Variants in NRG1 observed in about 807,000 individuals in gnomAD.
The protein encoded by NRG1 is neuregulin 1, also known as pro-neuregulin-1, membrane-bound isoform.
NRG1 carries 18 observed loss-of-function variants against 63.8 expected under a neutral mutation model. That is an observed-to-expected ratio of 0.28 (90% CI 0.19 to 0.42). The LOEUF is 0.42. Among genes scored for constraint, NRG1 ranks in the 10% least tolerant of loss-of-function variants. The probability of loss-of-function intolerance (pLI) is 1.00; values close to 1 mark genes in which losing one functional copy is unlikely to be tolerated. For synonymous variants in NRG1, 302 were observed against 301.3 expected, an observed-to-expected ratio of 1.00 and a Z score of -0.02; for missense variants, 762 against 814.7, an observed-to-expected ratio of 0.94 and a Z score of 0.79.
intron 5 of NRG1, among the ~76,000 whole-genome samples, chr8:32,726,741 A>C (rs2129013048): frequency 6.6e-6 from 1 of 152,248 alleles, no homozygotes; most frequent in Admixed American, 6.5e-5. Flanking sequence ...GAAAGGCAGA[A>C]GAAAATGGAA....
chr8:31,722,579 C>A (rs1204967942), intron 1 of NRG1, among the ~76,000 whole-genome samples: 3 of 152,152 alleles, frequency 2.0e-5, no homozygotes, highest in Non-Finnish European at 4.4e-5. Flanking sequence ...TCAAGCCTTG[C>A]TCTCTTTGAA....
intron 1 of NRG1, among the ~76,000 whole-genome samples, chr8:32,571,739 A>G (rs1196935258): frequency 1.3e-5 from 2 of 152,240 alleles, no homozygotes; most frequent in Admixed American, 1.3e-4. Flanking sequence ...GTTACTACCA[A>G]TAGGAGTAAA....
intron 5 of NRG1, among the ~76,000 whole-genome samples, chr8:32,706,561 GT>G (rs1178972534): frequency 6.6e-5 from 10 of 151,988 alleles, no homozygotes; most frequent in Non-Finnish European, 1.5e-4. Flanking sequence ...AGGTGTGTGT[GT>G]GTGTGTGTGT....
At chr8:32,536,889 C>G (rs373292762) in intron 1 of NRG1, among the ~76,000 whole-genome samples, 1 of 128,590 alleles carries the variant, frequency 7.8e-6, no homozygotes, top group Non-Finnish European at 1.5e-5. Flanking sequence ...CGCCACTGCC[C>G]TCCAGCCTGG....
chr8:31,669,439 A>G (rs988437659), intron 1 of NRG1, among the ~76,000 whole-genome samples: 29 of 152,032 alleles, frequency 1.9e-4, no homozygotes, highest in African/African-American at 6.8e-4. Context: ...GGGTTTTGCC[A>G]TGTTGCCCAG....
At chr8:32,345,004 C>T (rs1049490966) in intron 1 of NRG1, among the ~76,000 whole-genome samples, 2 of 152,046 alleles carry the variant, frequency 1.3e-5, no homozygotes, top group African/African-American at 2.4e-5. Flanking sequence ...ACAAAAATGT[C>T]GGTATTCTAG....
intron 1 of NRG1, among the ~76,000 whole-genome samples, chr8:31,848,971 T>C (rs1008849442): frequency 6.6e-6 from 1 of 152,188 alleles, no homozygotes; most frequent in African/African-American, 2.4e-5. Flanking sequence ...GGAAAAATTA[T>C]CTTCCACGAA....
intron 1 of NRG1, among the ~76,000 whole-genome samples, chr8:31,893,639 T>G (rs539734644): frequency 3.3e-5 from 5 of 151,802 alleles, no homozygotes; most frequent in South Asian, 2.1e-4. Flanking sequence ...AATGGAAAAT[T>G]ATAAATAAGC....
chr8:32,595,582 T>C (rs886486908), intron 1 of NRG1, among the ~76,000 whole-genome samples: 3 of 152,194 alleles, frequency 2.0e-5, no homozygotes, highest in African/African-American at 7.2e-5. Context: ...CTTGAAACTA[T>C]CTAGAATTTT....
intron 1 of NRG1, among the ~76,000 whole-genome samples, chr8:31,769,516 G>T (rs571936375): frequency 6.6e-6 from 1 of 152,148 alleles, no homozygotes; most frequent in Non-Finnish European, 1.5e-5. Flanking sequence ...AAAAGAGGGT[G>T]GCGTTAGGCA....
At chr8:32,220,717 T>C (rs185995746) in intron 1 of NRG1, among the ~76,000 whole-genome samples, 1 of 152,326 alleles carries the variant, frequency 6.6e-6, no homozygotes, top group Non-Finnish European at 1.5e-5. Context: ...GCTGCAGTGT[T>C]TCCCTGGAAA....
intron 1 of NRG1, among the ~76,000 whole-genome samples, chr8:32,212,193 T>G (rs950694391): frequency 6.6e-6 from 1 of 152,104 alleles, no homozygotes; most frequent in African/African-American, 2.4e-5. Flanking sequence ...ACCAACTTCA[T>G]GACCATAAAA....
intron 1 of NRG1, among the ~76,000 whole-genome samples, chr8:32,135,743 C>T (rs941695090): frequency 1.3e-5 from 2 of 151,900 alleles, no homozygotes; most frequent in South Asian, 2.1e-4. Context: ...GAAATTAGGA[C>T]ATGGATGCAA....
At chr8:32,465,155 AAAC>A (rs925104781) in intron 1 of NRG1, among the ~76,000 whole-genome samples, 64 of 152,274 alleles carry the variant, frequency 4.2e-4, no homozygotes, top group African/African-American at 1.3e-3. Flanking sequence ...TCTGTCTTAG[AAAC>A]AACAACAACA....
At chr8:32,563,954 C>T (rs60738472) in intron 1 of NRG1, among the ~76,000 whole-genome samples, 27,614 of 151,960 alleles carry the variant, frequency 0.18, 2,621 homozygotes, top group Non-Finnish European at 0.21. Flanking sequence ...TTACTAAGAT[C>T]CCCAAATGTA....
At chr8:32,760,442 A>C (rs1051513377) in intron 11 of NRG1, 36 bp downstream of exon 11, 2 of 1,610,552 alleles carry the variant, frequency 1.2e-6, no homozygotes, top group African/African-American at 2.7e-5. Context: ...CAGAGGAGAA[A>C]CTCAGTCAGA....
chr8:32,743,800 G>A (rs1212611382), intron 7 of NRG1, among the ~76,000 whole-genome samples: 2 of 151,836 alleles, frequency 1.3e-5, no homozygotes, highest in Admixed American at 6.6e-5. Flanking sequence ...TGCATATCAT[G>A]TAGTTATCCT....
intron 1 of NRG1, among the ~76,000 whole-genome samples, chr8:31,857,511 C>G (rs970651725): frequency 2.0e-5 from 3 of 152,214 alleles, no homozygotes; most frequent in African/African-American, 4.8e-5. Flanking sequence ...CGCCCACTGT[C>G]TGGCACTCCC....
intron 1 of NRG1, among the ~76,000 whole-genome samples, chr8:32,020,555 G>A (rs1816266236): frequency 6.6e-6 from 1 of 152,140 alleles, no homozygotes; most frequent in Admixed American, 6.6e-5. Flanking sequence ...CCCACCATCA[G>A]AAATGCACTC....
Sources: gnomAD v4.1 joint callset for allele counts (sites outside exome capture counted in the v4.1 genomes callset) on GRCh38, gnomAD v4.1.1 for gene constraint, MANE v1.5 for transcripts, NCBI Gene and HGNC (gene_info 2026-07-23, HGNC 2026-07-21) for gene names.